AGBL4: variants seen among roughly 807,000 people sequenced by gnomAD.
AGBL4 encodes cytosolic carboxypeptidase 6.
In AGBL4, 58 loss-of-function variants were observed where a neutral mutation model predicts 66.4. The ratio of observed to expected loss-of-function variants is 0.87; its 90% CI spans 0.71 to 1.09. The LOEUF is 1.09. Among genes scored for constraint, AGBL4 ranks in the 50% least tolerant of loss-of-function variants. AGBL4 has a pLI of 0.00. For synonymous variants in AGBL4, 234 were observed against 222.9 expected, an observed-to-expected ratio of 1.05 and a Z score of -0.44; for missense variants, 579 against 631.0, an observed-to-expected ratio of 0.92 and a Z score of 0.88.
chr1:49,696,369 T>G (rs1356051082), intron 3 of AGBL4, among the ~76,000 whole-genome samples: 1 of 152,008 alleles, frequency 6.6e-6, no homozygotes, highest in Non-Finnish European at 1.5e-5. Context: ...CGTGCACTAT[T>G]AAAAAAATGT....
chr1:49,218,483 G>A (rs1649247596), intron 4 of AGBL4, among the ~76,000 whole-genome samples: 1 of 152,140 alleles, frequency 6.6e-6, no homozygotes, highest in Non-Finnish European at 1.5e-5. Context: ...GAATCTCAGA[G>A]AAGTGAAGTA....
At chr1:48,618,234 T>C (rs1481818114) in intron 9 of AGBL4, among the ~76,000 whole-genome samples, 1 of 152,206 alleles carries the variant, frequency 6.6e-6, no homozygotes, top group African/African-American at 2.4e-5. Context: ...CAATAATCCC[T>C]GTCTCACAAC....
intron 1 of AGBL4, among the ~76,000 whole-genome samples, chr1:49,940,911 AATT>A (rs1212441407): frequency 6.6e-6 from 1 of 152,142 alleles, no homozygotes; most frequent in Non-Finnish European, 1.5e-5. Context: ...GAGAAAATAA[AATT>A]ATTAAACTTT....
intron 3 of AGBL4, among the ~76,000 whole-genome samples, chr1:49,589,450 A>G (rs778800297): frequency 6.6e-6 from 1 of 152,116 alleles, no homozygotes; most frequent in Non-Finnish European, 1.5e-5. Context: ...CAAAAACTGC[A>G]TAATTGATAA....
intron 2 of AGBL4, among the ~76,000 whole-genome samples, chr1:49,779,466 A>T (rs1004731442): frequency 6.6e-6 from 1 of 152,182 alleles, no homozygotes; most frequent in Non-Finnish European, 1.5e-5. Flanking sequence ...AGCCCTTAAC[A>T]AAAGGTTCCT....
At chr1:49,138,109 G>A (rs891525218) in intron 4 of AGBL4, among the ~76,000 whole-genome samples, 1 of 152,106 alleles carries the variant, frequency 6.6e-6, no homozygotes, top group African/African-American at 2.4e-5. Flanking sequence ...AGCTTATATG[G>A]GAGAGTATGG....
At chr1:49,871,290 T>C (rs765948333) in intron 1 of AGBL4, among the ~76,000 whole-genome samples, 2 of 152,078 alleles carry the variant, frequency 1.3e-5, no homozygotes, top group Non-Finnish European at 2.9e-5. Context: ...TAAAATTTAA[T>C]AAATTTGCAT....
intron 2 of AGBL4, among the ~76,000 whole-genome samples, chr1:49,817,112 A>C (rs2147983911): frequency 6.6e-6 from 1 of 152,284 alleles, no homozygotes; most frequent in Non-Finnish European, 1.5e-5. Context: ...CCAGACCCAA[A>C]CTGAGAAAAT....
intron 6 of AGBL4, among the ~76,000 whole-genome samples, chr1:48,812,195 T>A (rs1017593082): frequency 7.9e-5 from 12 of 152,168 alleles, no homozygotes; most frequent in Admixed American, 3.3e-4. Context: ...AGAGGCATAT[T>A]TCTCAAGGCT....
rs1472567347 is a variant in AGBL4 at position 49,234,747 on chromosome 1, AG to A, written c.377+11022del. Reference sequence around the variant, plus strand: ...AGGGACATTCCCAATTTAAAACTAAAGCCTTTACTTCTACATCTCAGGAAAG... The same window carrying A: ...AGGGACATTCCCAATTTAAAACTAAACCTTTACTTCTACATCTCAGGAAAG... On this transcript the variant is annotated intron_variant, in intron 4 of 13. Transcript: ENST00000371839. Among the ~76,000 whole-genome samples, 9 of 152,298 alleles carry A rather than the reference AG, an allele frequency of 5.9e-5. No individual in the cohort carries two copies. The South Asian group carries it at 6.2e-4, about 11-fold the overall frequency.
chr1:48,997,887 A>T (rs1661133808), intron 5 of AGBL4, among the ~76,000 whole-genome samples: 1 of 152,238 alleles, frequency 6.6e-6, no homozygotes, highest in African/African-American at 2.4e-5. Flanking sequence ...GGTCACCATC[A>T]AACTCTTCCA....
intron 5 of AGBL4, among the ~76,000 whole-genome samples, chr1:48,954,096 A>G (rs997206688): frequency 6.6e-6 from 1 of 152,314 alleles, no homozygotes; most frequent in Admixed American, 6.5e-5. Context: ...ATTCCATCTC[A>G]TAACAGGATG....
intron 4 of AGBL4, among the ~76,000 whole-genome samples, chr1:49,052,879 G>T: frequency 6.6e-6 from 1 of 152,164 alleles, no homozygotes; most frequent in East Asian, 1.9e-4. Context: ...AGCTTTGGAT[G>T]TCTTTTAGAA....
intron 5 of AGBL4, among the ~76,000 whole-genome samples, chr1:49,034,369 C>T (rs1310098738): frequency 6.6e-6 from 1 of 152,032 alleles, no homozygotes; most frequent in Non-Finnish European, 1.5e-5. Flanking sequence ...CTGGGGTTAG[C>T]AGCATAACCA....
At chr1:48,824,731 C>T (rs938769984) in intron 6 of AGBL4, among the ~76,000 whole-genome samples, 3 of 152,126 alleles carry the variant, frequency 2.0e-5, no homozygotes, top group African/African-American at 7.2e-5. Flanking sequence ...AAGCTAATGG[C>T]TGGGGAGCTT....
intron 3 of AGBL4, among the ~76,000 whole-genome samples, chr1:49,342,992 G>C (rs531195203): frequency 1.3e-5 from 2 of 152,144 alleles, no homozygotes; most frequent in East Asian, 3.8e-4. Flanking sequence ...GGTAATAAGA[G>C]ATTTGGTTAA....
intron 3 of AGBL4, among the ~76,000 whole-genome samples, chr1:49,563,516 G>A (rs1468257983): frequency 2.6e-5 from 4 of 152,162 alleles, no homozygotes; most frequent in Non-Finnish European, 4.4e-5. Context: ...TTTTTAGCAT[G>A]AAGCGTTGTT....
At chr1:49,846,292 G>C in intron 2 of AGBL4, 1 of 1,508,022 alleles carries the variant, frequency 6.6e-7, no homozygotes. Context: ...ACCTCACACA[G>C]CACTGGAGGA....
intron 6 of AGBL4, among the ~76,000 whole-genome samples, chr1:48,821,381 G>T (rs1213049271): frequency 6.6e-6 from 1 of 152,058 alleles, no homozygotes; most frequent in Admixed American, 6.6e-5. Context: ...AAGAAAATGT[G>T]GTATATATAC....
Sources: allele counts gnomAD v4.1 joint callset (sites outside exome capture counted in the v4.1 genomes callset), GRCh38; gene constraint gnomAD v4.1.1; transcripts MANE v1.5; gene names NCBI Gene and HGNC (gene_info 2026-07-23, HGNC 2026-07-21).